FAF1: variants seen among roughly 807,000 people sequenced by gnomAD.
FAF1 encodes the protein FAS-associated factor 1.
In FAF1, 25 loss-of-function variants were observed where a neutral mutation model predicts 92.5. The ratio of observed to expected loss-of-function variants is 0.27; its 90% CI spans 0.20 to 0.38. The LOEUF (loss-of-function observed/expected upper bound fraction) is 0.38. Among genes scored for constraint, FAF1 ranks in the 10% least tolerant of loss-of-function variants. The probability of loss-of-function intolerance (pLI) is 1.00; values close to 1 mark genes in which losing one functional copy is unlikely to be tolerated. For missense variants in FAF1, 636 were observed against 793.3 expected (o/e 0.80, Z 2.38); for synonymous variants, 234 against 273.2 (o/e 0.86, Z 1.42).
chr1:50,595,814 A>G (rs1651775808), intron 9 of FAF1, among the ~76,000 whole-genome samples: 1 of 152,136 alleles, frequency 6.6e-6, no homozygotes, highest in African/African-American at 2.4e-5. Flanking sequence ...AAGTGCTGGG[A>G]TTACAGGCGT....
intron 6 of FAF1, among the ~76,000 whole-genome samples, chr1:50,719,749 C>G (rs772292226): frequency 6.6e-6 from 1 of 152,122 alleles, no homozygotes; most frequent in Admixed American, 6.6e-5. Flanking sequence ...AGAGTAGTGA[C>G]CAAGTTTCTG....
At position 50,454,489 on chromosome 1, in the gene FAF1, C is replaced by T. The variant is rs12096508; in HGVS notation, c.1870-12966G>A. Among the ~76,000 whole-genome samples, 23 of 152,248 alleles carry T rather than the reference C, an allele frequency of 1.5e-4. No individual in the cohort carries two copies. In the East Asian group the frequency reaches 4.1e-3, roughly 27 times the overall value. On this transcript the variant is annotated intron_variant, in intron 18 of 18. Transcript: ENST00000396153. Reference sequence around the variant, plus strand: ...TAGCTGGAATCATTCACTAGGCCATCGGCTCATGGAACACAGTGACCATAT... The same window carrying T: ...TAGCTGGAATCATTCACTAGGCCATTGGCTCATGGAACACAGTGACCATAT...
At chr1:50,622,218 A>G (rs1653249895) in intron 8 of FAF1, among the ~76,000 whole-genome samples, 1 of 152,008 alleles carries the variant, frequency 6.6e-6, no homozygotes, top group South Asian at 2.1e-4. Context: ...GCCAGCTCAC[A>G]TGTCCATGGA....
intron 18 of FAF1, chr1:50,469,437 G>A (rs1384660440): frequency 1.3e-5 from 2 of 152,180 alleles, no homozygotes; most frequent in Non-Finnish European, 2.9e-5. Context: ...GTTTCTTTCA[G>A]TCAAGCAGTT....
At chr1:50,834,351 TC>T (rs1324942919) in intron 2 of FAF1, among the ~76,000 whole-genome samples, 3 of 152,186 alleles carry the variant, frequency 2.0e-5, no homozygotes, top group Non-Finnish European at 2.9e-5. Context: ...AATACACCCT[TC>T]CAACACATCC....
intron 6 of FAF1, among the ~76,000 whole-genome samples, chr1:50,729,247 G>T (rs1176004599): frequency 4.0e-5 from 6 of 150,880 alleles, no homozygotes; most frequent in Non-Finnish European, 7.4e-5. Flanking sequence ...TAAAGATGGG[G>T]TTTCTCCATT....
intron 4 of FAF1, among the ~76,000 whole-genome samples, chr1:50,756,213 C>G (rs910952427): frequency 6.6e-6 from 1 of 152,216 alleles, no homozygotes; most frequent in African/African-American, 2.4e-5. Flanking sequence ...CAAGTCACCT[C>G]TTGAACACTT....
intron 2 of FAF1, among the ~76,000 whole-genome samples, chr1:50,836,170 G>GTTTTTTTTTTT (rs36053491): frequency 0.11 from 11,176 of 97,630 alleles, 1,723 homozygotes; most frequent in Non-Finnish European, 0.15. Flanking sequence ...TTTTGTTTCT[G>GTTTTTTTTTTT]TTTTTTTTTT....
At chr1:50,866,691 T>C (rs926468601) in intron 1 of FAF1, among the ~76,000 whole-genome samples, 1 of 151,968 alleles carries the variant, frequency 6.6e-6, no homozygotes, top group African/African-American at 2.4e-5. Flanking sequence ...AAAGAAATCA[T>C]AGATGACACA....
chr1:50,904,652 G>C (rs925985518), intron 1 of FAF1, among the ~76,000 whole-genome samples: 1 of 151,958 alleles, frequency 6.6e-6, no homozygotes, highest in African/African-American at 2.4e-5. Context: ...TATTTCCCTA[G>C]TGGATTTTAT....
At chr1:50,665,681 G>T (rs1431129280) in intron 7 of FAF1, among the ~76,000 whole-genome samples, 5 of 151,916 alleles carry the variant, frequency 3.3e-5, no homozygotes, top group Non-Finnish European at 2.9e-5. Flanking sequence ...GAGACTGCAT[G>T]GCCTAAAAAG....
chr1:50,941,707 C>T (rs1194729691), intron 1 of FAF1, among the ~76,000 whole-genome samples: 2 of 152,156 alleles, frequency 1.3e-5, no homozygotes, highest in Admixed American at 6.5e-5. Flanking sequence ...AAGTGCAGTA[C>T]TTATTAATAA....
At chr1:50,655,311 C>G in intron 8 of FAF1, 131 bp downstream of exon 8, 1 of 708,986 alleles carries the variant, frequency 1.4e-6, no homozygotes, top group Non-Finnish European at 2.5e-6. Flanking sequence ...CATGAGCCAC[C>G]GTGCCTGGCT....
intron 4 of FAF1, among the ~76,000 whole-genome samples, chr1:50,786,965 T>C (rs901932416): frequency 6.6e-6 from 1 of 152,190 alleles, no homozygotes; most frequent in African/African-American, 2.4e-5. Context: ...CAAGACTCAA[T>C]TAATGAAATA....
chr1:50,444,401 G>A (rs896422201), intron 18 of FAF1, among the ~76,000 whole-genome samples: 2 of 152,200 alleles, frequency 1.3e-5, no homozygotes, highest in Non-Finnish European at 2.9e-5. Context: ...GTAGGGAGGG[G>A]GCTGTGTCAG....
In FAF1 at chr1:50,440,529, A is replaced by C. The variant is rs1171478502; in HGVS notation, c.*911T>G. On this transcript the variant is annotated 3_prime_UTR_variant, in exon 19 of 19. Coordinates refer to ENST00000396153, the MANE Select transcript of FAF1 (RefSeq NM_007051.3). ...GCTCATCAGATTTTGTTGATAGGCA[A>C]GGTGCTTAAACACCAAGTGACAAGG... 2 of 152,286 alleles carry C rather than the reference A, an allele frequency of 1.3e-5. No individual in the cohort carries two copies. The highest frequency in any genetic ancestry group is 2.9e-5 in the Non-Finnish European group (2 of 68,060). 9.4% of individuals were successfully genotyped at this position (152,286 alleles called of 1,614,324 possible). A position where few individuals can be genotyped will look rare whatever the true frequency, so the allele number is the denominator to read the frequency against.
At chr1:50,574,314 T>TA (rs1389496323) in intron 12 of FAF1, among the ~76,000 whole-genome samples, 4 of 152,168 alleles carry the variant, frequency 2.6e-5, no homozygotes, top group Admixed American at 2.0e-4. Context: ...GATTGGCTCT[T>TA]ACAGCAAGTT....
intron 2 of FAF1, among the ~76,000 whole-genome samples, chr1:50,825,167 T>C (rs895160812): frequency 6.6e-6 from 1 of 152,102 alleles, no homozygotes; most frequent in Non-Finnish European, 1.5e-5. Flanking sequence ...TGATTACTGA[T>C]TGTATCATTA....
intron 1 of FAF1, among the ~76,000 whole-genome samples, chr1:50,885,385 AT>A (rs1318537609): frequency 1.3e-5 from 2 of 151,508 alleles, no homozygotes; most frequent in Non-Finnish European, 2.9e-5. Context: ...TGTTAGATGC[AT>A]ATATATTCAC....
Sources: gnomAD v4.1 joint callset for allele counts (sites outside exome capture counted in the v4.1 genomes callset) on GRCh38, gnomAD v4.1.1 for gene constraint, MANE v1.5 for transcripts, NCBI Gene and HGNC (gene_info 2026-07-23, HGNC 2026-07-21) for gene names.